LUZP2: variants seen among roughly 807,000 people sequenced by gnomAD.
The protein encoded by LUZP2 is leucine zipper protein 2.
In LUZP2, 52 loss-of-function variants were observed where a neutral mutation model predicts 51.6. That is an observed-to-expected ratio of 1.01 (90% confidence interval 0.81 to 1.27). The LOEUF (loss-of-function observed/expected upper bound fraction) is 1.27. LUZP2 is among the 50% of genes most tolerant of loss of function. LUZP2 has a pLI of 0.00. For synonymous variants in LUZP2, 154 were observed against 137.3 expected, an observed-to-expected ratio of 1.12 and a Z score of -0.85; for missense variants, 436 against 395.4, an observed-to-expected ratio of 1.10 and a Z score of -0.87.
chr11:24,794,251 A>G (rs1849487641), intron 5 of LUZP2, among the ~76,000 whole-genome samples: 1 of 152,054 alleles, frequency 6.6e-6, no homozygotes, highest in Non-Finnish European at 1.5e-5. Flanking sequence ...ACAATGTAAT[A>G]CTCCACATAT....
chr11:25,071,495 G>A (rs538640862), intron 10 of LUZP2, among the ~76,000 whole-genome samples: 14 of 152,028 alleles, frequency 9.2e-5, no homozygotes, highest in African/African-American at 3.1e-4. Context: ...AAATGTAAGT[G>A]CTTCATTGAT....
chr11:24,519,674 T>G (rs1850582743), intron 1 of LUZP2, among the ~76,000 whole-genome samples: 1 of 152,214 alleles, frequency 6.6e-6, no homozygotes, highest in Non-Finnish European at 1.5e-5. Flanking sequence ...TTTTCATGTC[T>G]TGGTTAATTT....
At chr11:24,700,825 A>G (rs1857400747) in intron 1 of LUZP2, among the ~76,000 whole-genome samples, 1 of 152,112 alleles carries the variant, frequency 6.6e-6, no homozygotes, top group African/African-American at 2.4e-5. Context: ...GAGTAAGAAA[A>G]TATGTTTATA....
intron 7 of LUZP2, among the ~76,000 whole-genome samples, chr11:24,968,350 G>T (rs568888959): frequency 7.9e-5 from 12 of 152,110 alleles, no homozygotes; most frequent in Non-Finnish European, 1.8e-4. Flanking sequence ...AAATAAAGGT[G>T]GTTGTGTTTT....
At chr11:24,596,211 A>G (rs1853440367) in intron 1 of LUZP2, among the ~76,000 whole-genome samples, 1 of 152,196 alleles carries the variant, frequency 6.6e-6, no homozygotes, top group Non-Finnish European at 1.5e-5. Context: ...CCTCCCACCT[A>G]TCTTGCACTT....
At chr11:24,914,567 A>T in intron 7 of LUZP2, 29 bp downstream of exon 7, 1 of 1,473,342 alleles carries the variant, frequency 6.8e-7, no homozygotes, top group East Asian at 2.3e-5. Flanking sequence ...TTTTCCCTGA[A>T]ACTTGCTAGC....
intron 7 of LUZP2, among the ~76,000 whole-genome samples, chr11:24,933,722 A>G (rs998929969): frequency 3.1e-4 from 47 of 152,282 alleles, no homozygotes; most frequent in Admixed American, 2.0e-4. Context: ...TGTCATGCGC[A>G]TCTGTGTGAA....
chr11:25,062,174 G>T (rs1018886653), intron 10 of LUZP2, among the ~76,000 whole-genome samples: 1 of 150,726 alleles, frequency 6.6e-6, no homozygotes, highest in East Asian at 1.9e-4. Context: ...AAGAAGGAGA[G>T]GAGGAGGAAG....
At chr11:24,567,964 C>T (rs1212400514) in intron 1 of LUZP2, among the ~76,000 whole-genome samples, 4 of 152,002 alleles carry the variant, frequency 2.6e-5, no homozygotes, top group Non-Finnish European at 5.9e-5. Flanking sequence ...TTCTTCTCAC[C>T]AACTTAATAA....
rs560334175 is a variant in LUZP2 at position 24,568,734 on chromosome 11, A to G, written c.62+71429A>G. On this transcript the variant is annotated intron_variant, in intron 1 of 11. Coordinates refer to ENST00000336930, the MANE Select transcript of LUZP2 (RefSeq NM_001009909.4). ...TGCAAATGTTTCTTAAATTATTAAA[A>G]AGAAAGATTTATAATATTTTCTGTG... Among the ~76,000 whole-genome samples the G allele has an allele frequency of 1.1e-4, 16 of 152,168 alleles. No individual in the cohort carries two copies. The South Asian group carries it at 3.1e-3, about 30-fold the overall frequency.
At chr11:24,904,346 G>C (rs1463505873) in intron 5 of LUZP2, among the ~76,000 whole-genome samples, 7 of 151,942 alleles carry the variant, frequency 4.6e-5, no homozygotes, top group Admixed American at 4.6e-4. Context: ...GCAGTGCCGT[G>C]ATCTCGGCTC....
chr11:24,640,420 C>T (rs1455468435), intron 1 of LUZP2, among the ~76,000 whole-genome samples: 1 of 151,876 alleles, frequency 6.6e-6, no homozygotes, highest in Non-Finnish European at 1.5e-5. Context: ...AGACAATGAG[C>T]AAACATTAAA....
At chr11:24,599,606 TCAATTGA>T (rs1428038048) in intron 1 of LUZP2, among the ~76,000 whole-genome samples, 1 of 152,202 alleles carries the variant, frequency 6.6e-6, no homozygotes, top group Non-Finnish European at 1.5e-5. Flanking sequence ...CAGCTAATGA[TCAATTGA>T]CCTTACTCAC....
chr11:24,680,646 G>A (rs569659183), intron 1 of LUZP2, among the ~76,000 whole-genome samples: 32 of 152,264 alleles, frequency 2.1e-4, no homozygotes, highest in African/African-American at 7.5e-4. Context: ...AAAAATTTTG[G>A]TGTGGGGCCA....
intron 1 of LUZP2, among the ~76,000 whole-genome samples, chr11:24,594,025 G>A (rs1853345136): frequency 6.6e-6 from 1 of 152,136 alleles, no homozygotes; most frequent in Non-Finnish European, 1.5e-5. Context: ...CACTTAGTAA[G>A]CACTGGATAA....
At chr11:24,796,077 C>G (rs900590443) in intron 5 of LUZP2, among the ~76,000 whole-genome samples, 10 of 152,038 alleles carry the variant, frequency 6.6e-5, no homozygotes, top group African/African-American at 2.2e-4. Context: ...AATAAACAAG[C>G]AACTTTGTTT....
intron 1 of LUZP2, among the ~76,000 whole-genome samples, chr11:24,570,791 A>G (rs949074358): frequency 6.6e-6 from 1 of 152,014 alleles, no homozygotes; most frequent in Non-Finnish European, 1.5e-5. Context: ...TGGAGTTCTA[A>G]ATTTTCCACC....
intron 1 of LUZP2, among the ~76,000 whole-genome samples, chr11:24,673,670 C>G (rs1856465172): frequency 6.6e-6 from 1 of 152,152 alleles, no homozygotes. Context: ...GGGAGCCTGT[C>G]CAGTGCATTG....
intron 1 of LUZP2, among the ~76,000 whole-genome samples, chr11:24,566,881 CAT>C (rs1178383864): frequency 1.6e-3 from 180 of 109,372 alleles, no homozygotes; most frequent in East Asian, 1.2e-3. Context: ...ATATTTATAA[CAT>C]ATATACATAT....
Sources: gnomAD v4.1 joint callset for allele counts (sites outside exome capture counted in the v4.1 genomes callset) on GRCh38, gnomAD v4.1.1 for gene constraint, MANE v1.5 for transcripts, NCBI Gene and HGNC (gene_info 2026-07-23, HGNC 2026-07-21) for gene names.